CTDNEP1: variants seen among roughly 807,000 people sequenced by gnomAD.
CTDNEP1 encodes CTD nuclear envelope phosphatase 1, also known as C-terminal domain nuclear envelope phosphatase 1.
CTDNEP1 carries 3 observed loss-of-function variants against 30.1 expected under a neutral mutation model. The ratio of observed to expected loss-of-function variants is 0.10; its 90% CI spans 0.05 to 0.26. The LOEUF is 0.26. Among genes scored for constraint, CTDNEP1 ranks in the 10% least tolerant of loss-of-function variants. The pLI, the probability that CTDNEP1 is intolerant of heterozygous loss-of-function variation, is 1.00. For missense variants in CTDNEP1, 158 were observed against 310.4 expected (o/e 0.51, Z 3.69); for synonymous variants, 123 against 118.8 (o/e 1.04, Z -0.23).
chr17:7,248,423 G>A (rs1250937870), intron 1 of CTDNEP1, among the ~76,000 whole-genome samples: 1 of 144,200 alleles, frequency 6.9e-6, no homozygotes, highest in Non-Finnish European at 1.5e-5. Flanking sequence ...GCAGTGGCGC[G>A]ATCTCAGCTC....
chr17:7,244,709 A>T lies in CTDNEP1; in HGVS notation c.590-74T>A. 9 of 1,165,454 alleles carry T rather than the reference A, an allele frequency of 7.7e-6. No homozygotes were observed. In the South Asian group the frequency reaches 1.3e-4, roughly 17 times the overall value. 72.2% of individuals were successfully genotyped at this position (1,165,454 alleles called of 1,614,324 possible). ...CGGTGTTTTTCTCTTCTTGGAGGGA[A>T]GGAGGAATTATTGTTAAAAATATAT... On this transcript the variant is annotated intron_variant, in intron 6 of 7. Coordinates refer to ENST00000574322, the MANE Select transcript of CTDNEP1 (RefSeq NM_001143775.2).
chr17:7,250,686 G>A (rs1169375184), intron 1 of CTDNEP1, among the ~76,000 whole-genome samples: 1 of 152,174 alleles, frequency 6.6e-6, no homozygotes, highest in Non-Finnish European at 1.5e-5. Context: ...GGGAACCGCA[G>A]GCGTTTCTCC....
chr17:7,244,473 C>T (rs1163790869), intron 7 of CTDNEP1, 78 bp downstream of exon 7: 12 of 1,405,570 alleles, frequency 8.5e-6, no homozygotes, highest in Non-Finnish European at 1.2e-5. Flanking sequence ...ACAGGACAAA[C>T]CTTTTTTATT....
In CTDNEP1 at chr17:7,251,055, T is replaced by C. The variant is rs951201952; in HGVS notation, c.102+140A>G. ...GCCCCGCTTAGGGTGCCCAATTCTC[T>C]GGCGAGAAAAGCCCCAGCCAGGATT... On this transcript the variant is annotated intron_variant, in intron 1 of 7. Transcript: ENST00000574322. 8.6e-6 allele frequency: 5 copies of C among 582,886 alleles called. No individual in the cohort carries two copies. In the South Asian group the frequency reaches 1.3e-4, roughly 15 times the overall value. The allele number at this position is 582,886 out of a possible 1,614,324, so 36.1% of individuals were successfully genotyped here.
chr17:7,247,469 T>A, intron 1 of CTDNEP1, 126 bp from the exon 2 acceptor site: 2 of 686,024 alleles, frequency 2.9e-6, no homozygotes, highest in Non-Finnish European at 4.9e-6. Flanking sequence ...TATTTCTTCT[T>A]CTTTTTTTTT....
At chr17:7,247,473 T>C (rs997441171) in intron 1 of CTDNEP1, 130 bp from the exon 2 acceptor site, 81 of 535,592 alleles carry the variant, frequency 1.5e-4, no homozygotes, top group African/African-American at 7.8e-4. Flanking sequence ...TCTTCTTCTT[T>C]TTTTTTTTTT....
Position 7,247,255 on chromosome 17 carries a change from A to C in CTDNEP1, c.169+22T>G, listed in dbSNP as rs73235891. The C allele has an allele frequency of 3.6e-3, 5,783 of 1,613,200 alleles. 188 individuals are homozygous for C. The African/African-American group carries it at 0.066, about 18-fold the overall frequency. On this transcript the variant is annotated intron_variant, in intron 2 of 7. Coordinates refer to ENST00000574322, the MANE Select transcript of CTDNEP1 (RefSeq NM_001143775.2). ...GCTAGCCCCTACTTCACCCTAAAGG[A>C]GGCTTCCCACCACATACTTACCTAG...
At chr17:7,250,193 T>C (rs950841473) in intron 1 of CTDNEP1, among the ~76,000 whole-genome samples, 2 of 152,032 alleles carry the variant, frequency 1.3e-5, no homozygotes, top group African/African-American at 4.8e-5. Flanking sequence ...CCAACCTGGG[T>C]TTATTCTTTC....
chr17:7,246,666 A>G lies in CTDNEP1; in HGVS notation c.360+125T>C. On this transcript the variant is annotated intron_variant, in intron 4 of 7. Coordinates refer to ENST00000574322, the MANE Select transcript of CTDNEP1 (RefSeq NM_001143775.2). This position sits in a 1 kb window ranked among gnomAD's most constrained non-coding sequence, Gnocchi z 4.9. Reference sequence around the variant, plus strand: ...GAAAGCCACTCCCCTACCATTACACAGCCTCCCCTCTAGAAAACTGCTCTA... The same window carrying G: ...GAAAGCCACTCCCCTACCATTACACGGCCTCCCCTCTAGAAAACTGCTCTA... 1.3e-6 allele frequency: 1 copy of G among 773,952 alleles called. No homozygotes were observed. The highest frequency in any genetic ancestry group is 2.2e-5 in the Admixed American group (1 of 45,070). The allele number at this position is 773,952 out of a possible 1,614,324, so 47.9% of individuals were successfully genotyped here.
Position 7,244,195 on chromosome 17 carries a change from C to T in CTDNEP1, c.725G>A (p.Arg242Gln), listed in dbSNP as rs764234667. 3 of 1,614,014 alleles carry T rather than the reference C, an allele frequency of 1.9e-6. No homozygotes were observed. The highest frequency in any genetic ancestry group is 2.2e-5 in the South Asian group (2 of 91,076). ...SVLSRNLHQH[R>Q]LW ...GAGGGGGAGCAGCTGTCACCAGAGC[C>T]GATGTTGGTGAAGGTTTCGGCTCAG... The change falls in exon 8 of 8, where the codon CGG (arginine) becomes CAG (glutamine). Residue 242 changes from arginine to glutamine, a missense_variant. Around this residue, in one of 2 missense-constraint regions of CTDNEP1, gnomAD observed 96 missense variants for 229.1 expected, o/e 0.42. Transcript: ENST00000574322.
In CTDNEP1 at chr17:7,246,233, T is replaced by TA; in HGVS notation, c.477+20dup. ...TGGCCTCCCTCCCAAGCCACACTCT[T>TA]AGACTGGGATTCTAGCTTACCTGTC... On this transcript the variant is annotated intron_variant, in intron 5 of 7. Transcript: ENST00000574322. This position sits in a 1 kb window ranked among gnomAD's most constrained non-coding sequence, Gnocchi z 4.9. The TA allele has an allele frequency of 6.3e-7, 1 of 1,598,418 alleles. No homozygotes were observed. Among genetic ancestry groups the TA allele is most frequent in the African/African-American group, 1.3e-5 (1 of 74,648 alleles).
Position 7,246,673 on chromosome 17 carries a change from C to A in CTDNEP1, c.360+118G>T, listed in dbSNP as rs530627269. 2.5e-6 allele frequency: 2 copies of A among 816,052 alleles called. No individual in the cohort carries two copies. Among genetic ancestry groups the A allele is most frequent in the South Asian group, 3.2e-5 (2 of 62,610 alleles). 50.6% of individuals were successfully genotyped at this position (816,052 alleles called of 1,614,324 possible). ...ACTCCCCTACCATTACACAGCCTCC[C>A]CTCTAGAAAACTGCTCTAACCCGTT... On this transcript the variant is annotated intron_variant, in intron 4 of 7. Transcript: ENST00000574322. The surrounding 1 kb of genome is among the most constrained non-coding windows in gnomAD (Gnocchi z 4.9).
At chr17:7,250,857 C>G (rs1447502074) in intron 1 of CTDNEP1, among the ~76,000 whole-genome samples, 1 of 152,126 alleles carries the variant, frequency 6.6e-6, no homozygotes, top group Non-Finnish European at 1.5e-5. Context: ...TCCACAGATC[C>G]GGCTGTCATC....
In CTDNEP1 at chr17:7,246,815, G is replaced by T. The variant is rs764203044; in HGVS notation, c.336C>A (p.Pro112=). Residue 112 remains proline (P), a synonymous_variant, in exon 4 of 8, where the codon CCC becomes CCA. Coordinates refer to ENST00000574322, the MANE Select transcript of CTDNEP1 (RefSeq NM_001143775.2). The surrounding 1 kb of genome is among the most constrained non-coding windows in gnomAD (Gnocchi z 4.9). The part of the protein sequence containing the change: ...HPVRFFVHKR[P]HVDFFLEVVS... Reference sequence around the variant, plus strand: ...CCACTTCCAGGAAGAAATCCACATGGGGCCTCTTATGTACAAAAAACCGGA... The same window carrying T: ...CCACTTCCAGGAAGAAATCCACATGTGGCCTCTTATGTACAAAAAACCGGA... 13 of 1,613,842 alleles carry T rather than the reference G, an allele frequency of 8.1e-6. No individual in the cohort carries two copies. The Admixed American group carries it at 2.2e-4, about 27-fold the overall frequency.
chr17:7,246,778 C>G lies in CTDNEP1; in HGVS notation c.360+13G>C. The G allele has an allele frequency of 1.2e-6, 2 of 1,610,294 alleles. No homozygotes were observed. The highest frequency in any genetic ancestry group is 1.7e-6 in the Non-Finnish European group (2 of 1,176,546). ...CTTCATTACAGAGCTCCCTTTAGCT[C>G]TCCAAAACTCACCACTTCCAGGAAG... On this transcript the variant is annotated intron_variant, in intron 4 of 7. Transcript: ENST00000574322. The surrounding 1 kb of genome is among the most constrained non-coding windows in gnomAD (Gnocchi z 4.9).
At chr17:7,245,952 G>A in intron 6 of CTDNEP1, 74 bp downstream of exon 6, 1 of 970,756 alleles carries the variant, frequency 1.0e-6, no homozygotes. Context: ...AAGGACCAAA[G>A]CCCAGGTCTC....
In CTDNEP1 at chr17:7,246,712, T is replaced by TC; in HGVS notation, c.360+78dup. On this transcript the variant is annotated intron_variant, in intron 4 of 7. Transcript: ENST00000574322. The surrounding 1 kb of genome is among the most constrained non-coding windows in gnomAD (Gnocchi z 4.9). Reference sequence around the variant, plus strand: ...CTCTAACCCGTTTCTCCTCACCCCTTCCTCCAAATCCTCCCAATTCCCAGA... The same window carrying TC: ...CTCTAACCCGTTTCTCCTCACCCCTTCCCTCCAAATCCTCCCAATTCCCAGA... 1 of 1,282,546 alleles carries TC rather than the reference T, an allele frequency of 7.8e-7. No homozygotes were observed. Among genetic ancestry groups the TC allele is most frequent in the South Asian group, 1.2e-5 (1 of 80,670 alleles). The allele number at this position is 1,282,546 out of a possible 1,614,324, so 79.4% of individuals were successfully genotyped here. A position where few individuals can be genotyped will look rare whatever the true frequency, so the allele number is the denominator to read the frequency against.
At chr17:7,251,144 C>T (rs1384851109) in intron 1 of CTDNEP1, 51 bp downstream of exon 1, 15 of 1,361,120 alleles carry the variant, frequency 1.1e-5, no homozygotes, top group East Asian at 2.6e-5. Context: ...GGACAGATGT[C>T]CCCAACACCG....
rs8930 is a variant in CTDNEP1 at position 7,243,916 on chromosome 17, G to T, written c.*269C>A. 12 of 1,310,628 alleles carry T rather than the reference G, an allele frequency of 9.2e-6. No homozygotes were observed. Among genetic ancestry groups the T allele is most frequent in the Non-Finnish European group, 1.2e-5 (12 of 1,023,100 alleles). The allele number at this position is 1,310,628 out of a possible 1,614,324, so 81.2% of individuals were successfully genotyped here. ...CCAGTCCTGCCTCTTCACAAACACTGATTCGGCTCTCCTAGGCTTCCGCCT... is the reference window on the plus strand; with the variant it reads ...CCAGTCCTGCCTCTTCACAAACACTTATTCGGCTCTCCTAGGCTTCCGCCT... On this transcript the variant is annotated 3_prime_UTR_variant, in exon 8 of 8. Transcript: ENST00000574322.
Sources: gnomAD v4.1 joint callset for allele counts (sites outside exome capture counted in the v4.1 genomes callset) on GRCh38, gnomAD v4.1.1 for gene constraint, gnomAD v4.1.1 regional missense constraint, Gnocchi (gnomAD v3.1) non-coding constraint, MANE v1.5 for transcripts, NCBI Gene and HGNC (gene_info 2026-07-23, HGNC 2026-07-21) for gene names.